MCPH1: variants seen among roughly 807,000 people sequenced by gnomAD.
MCPH1 encodes microcephalin.
Under a neutral mutation model 84.5 loss-of-function variants are expected in MCPH1, and 104 were observed. The observed-to-expected ratio is 1.23, with a 90% CI of 1.05 to 1.45. The LOEUF is 1.45. Among genes scored for constraint, MCPH1 ranks in the 40% most tolerant of loss-of-function variants. The pLI is 0.00. For missense variants in MCPH1, 1,498 were observed against 1,005.7 expected (o/e 1.49, Z -6.62); for synonymous variants, 514 against 366.8 (o/e 1.40, Z -4.58).
intron 8 of MCPH1, chr8:6,447,360 G>C: frequency 1.0e-6 from 1 of 985,336 alleles, no homozygotes; most frequent in African/African-American, 1.7e-5. Flanking sequence ...ACAGCAAACT[G>C]TACCTCCAAA....
chr8:6,421,870 C>A (rs1044668559), intron 3 of MCPH1, among the ~76,000 whole-genome samples: 1 of 152,024 alleles, frequency 6.6e-6, no homozygotes, highest in Non-Finnish European at 1.5e-5. Flanking sequence ...GCTTCCACGT[C>A]CCCAAGGCTA....
chr8:6,499,878 C>A lies in MCPH1; in HGVS notation c.2163C>A (p.His721Gln), dbSNP rs1338117510. 6.2e-7 allele frequency: 1 copy of A among 1,613,474 alleles called. No homozygotes were observed. The highest frequency in any genetic ancestry group is 8.5e-7 in the Non-Finnish European group (1 of 1,180,002). ...TGCTATGGTCTTTAGAATTGGGTCA[C>A]TGGATTTCTGAGGAGCCGTTCGAAC... ...DWVLWSLELGHWISEEPFELS... is the reference protein window; with the variant it reads ...DWVLWSLELGQWISEEPFELS... The change falls in exon 12 of 14, where the codon CAC becomes CAA. Residue 721 changes from histidine (H) to glutamine (Q), a missense_variant. Coordinates refer to ENST00000344683, the MANE Select transcript of MCPH1 (RefSeq NM_024596.5).
At chr8:6,626,672 T>A (rs1343510206) in intron 13 of MCPH1, 2 of 984,988 alleles carry the variant, frequency 2.0e-6, no homozygotes, top group East Asian at 1.1e-4. Context: ...CCATGACATA[T>A]AATTCCCATT....
intron 9 of MCPH1, among the ~76,000 whole-genome samples, chr8:6,455,685 C>A (rs2515576): frequency 0.67 from 101,359 of 152,136 alleles, 37,900 homozygotes; most frequent in Non-Finnish European, 0.81. Flanking sequence ...TACACCCTTC[C>A]CTTTGTGGTT....
At position 6,480,821 on chromosome 8, in the gene MCPH1, C is replaced by T; in HGVS notation, c.2081C>T (p.Thr694Ile). The T allele has an allele frequency of 6.2e-7, 1 of 1,614,200 alleles. No individual in the cohort carries two copies. Among genetic ancestry groups the T allele is most frequent in the Non-Finnish European group, 8.5e-7 (1 of 1,180,036 alleles). ...THVLSGKPLR[T>I]LNVLLGIARG... is the part of the protein sequence containing the mutation. ...GTGCTTTCCGGGAAGCCACTTCGCA[C>T]CCTGAATGTGCTGCTGGGAATTGCG... Residue 694 changes from threonine (T) to isoleucine (I), a missense_variant, in exon 11 of 14, where the codon ACC (threonine) becomes ATC (isoleucine). Transcript: ENST00000344683.
At chr8:6,569,696 T>A (rs1826500945) in intron 12 of MCPH1, among the ~76,000 whole-genome samples, 1 of 152,230 alleles carries the variant, frequency 6.6e-6, no homozygotes, top group Non-Finnish European at 1.5e-5. Context: ...TTAATGGTTA[T>A]GAATTTAAGG....
intron 1 of MCPH1, among the ~76,000 whole-genome samples, chr8:6,408,613 G>C (rs914946568): frequency 4.7e-5 from 7 of 150,360 alleles, no homozygotes; most frequent in Non-Finnish European, 8.9e-5. Context: ...TCATAACTCA[G>C]CTTCTACCTC....
rs776254429 is a variant in MCPH1 at position 6,499,911 on chromosome 8, C to G, written c.2196C>G (p.His732Gln). 1.4e-5 allele frequency: 22 copies of G among 1,613,564 alleles called. No homozygotes were observed. The highest frequency in any genetic ancestry group is 6.7e-5 in the Admixed American group (4 of 59,994). ...CTGAGGAGCCGTTCGAACTGTCTCA[C>G]CACTTCCCTGCAGCTCCCGTAAGTC... ...WISEEPFELS[H>Q]HFPAAPLCRS... The change falls in exon 12 of 14, where the codon CAC becomes CAG. Residue 732 changes from histidine to glutamine, a missense_variant. By Grantham distance (24) the His-to-Gln change is conservative. Transcript: ENST00000344683.
At chr8:6,413,196 T>C (rs1286280860) in intron 2 of MCPH1, among the ~76,000 whole-genome samples, 1 of 152,194 alleles carries the variant, frequency 6.6e-6, no homozygotes, top group Admixed American at 6.5e-5. Flanking sequence ...ACAAATATTA[T>C]TTTTCCTTGA....
intron 12 of MCPH1, chr8:6,621,133 CCTAGCTATGGCTCTGCTGTG>C (rs1319064290): frequency 1.0e-5 from 4 of 393,388 alleles, no homozygotes; most frequent in Non-Finnish European, 1.9e-5. Flanking sequence ...GAGAGTTCAG[CCTAGCTATGGCTCTGCTGTG>C]CTAACAGTTG....
At chr8:6,598,702 C>T (rs2129578105) in intron 12 of MCPH1, among the ~76,000 whole-genome samples, 1 of 152,376 alleles carries the variant, frequency 6.6e-6, no homozygotes, top group African/African-American at 2.4e-5. Flanking sequence ...CGTGAGAAGG[C>T]CATGGCCCTG....
intron 11 of MCPH1, among the ~76,000 whole-genome samples, chr8:6,485,613 A>T (rs942377742): frequency 6.6e-6 from 1 of 151,892 alleles, no homozygotes; most frequent in South Asian, 2.1e-4. Context: ...CCCCTCATTC[A>T]TGGCAAAACG....
At chr8:6,565,403 C>A (rs1205847036) in intron 12 of MCPH1, among the ~76,000 whole-genome samples, 2 of 152,106 alleles carry the variant, frequency 1.3e-5, no homozygotes, top group African/African-American at 4.8e-5. Context: ...GTATTAATAT[C>A]ACATATGTGG....
intron 11 of MCPH1, among the ~76,000 whole-genome samples, chr8:6,495,402 C>T (rs1811116560): frequency 6.6e-6 from 1 of 152,168 alleles, no homozygotes; most frequent in South Asian, 2.1e-4. Context: ...TGCTTTTAAC[C>T]AGTATGTTAC....
chr8:6,503,041 T>A (rs1272418616), intron 12 of MCPH1: 1 of 1,595,696 alleles, frequency 6.3e-7, no homozygotes, highest in Non-Finnish European at 8.6e-7. Flanking sequence ...TGACTTTCAG[T>A]GCACTGGGCT....
intron 12 of MCPH1, chr8:6,621,148 G>A: frequency 2.4e-6 from 1 of 419,460 alleles, no homozygotes; most frequent in South Asian, 2.2e-5. Context: ...CTATGGCTCT[G>A]CTGTGCTAAC....
intron 8 of MCPH1, 125 bp from the exon 9 acceptor site, chr8:6,455,018 T>C: frequency 1.3e-6 from 1 of 748,604 alleles, no homozygotes; most frequent in African/African-American, 1.7e-5. Context: ...GCCAGATATA[T>C]ACAATTTATT....
chr8:6,421,526 G>T (rs1316445137), intron 3 of MCPH1, among the ~76,000 whole-genome samples: 1 of 151,470 alleles, frequency 6.6e-6, no homozygotes. Context: ...AATGGCCCAT[G>T]AGGTAAGAAT....
chr8:6,642,944 T>A, intron 13 of MCPH1, 50 bp from the exon 14 acceptor site: 1 of 1,540,990 alleles, frequency 6.5e-7, no homozygotes, highest in South Asian at 1.1e-5. Flanking sequence ...ATCACTTTCC[T>A]ATGTGGCTGG....
Sources: allele counts gnomAD v4.1 joint callset (sites outside exome capture counted in the v4.1 genomes callset), GRCh38; gene constraint gnomAD v4.1.1; transcripts MANE v1.5; gene names NCBI Gene and HGNC (gene_info 2026-07-23, HGNC 2026-07-21).